Variants in XYLT1 observed in about 807,000 individuals in gnomAD.
XYLT1 encodes the protein xylosyltransferase 1, also known as beta-D-xylosyltransferase 1.
In XYLT1, 36 loss-of-function variants were observed where a neutral mutation model predicts 91.3. That is an observed-to-expected ratio of 0.39 (90% CI 0.30 to 0.52). The LOEUF is 0.52. Among genes scored for constraint, XYLT1 ranks in the 20% least tolerant of loss-of-function variants. The pLI, the probability that XYLT1 is intolerant of heterozygous loss-of-function variation, is 0.68. For synonymous variants in XYLT1, 588 were observed against 532.0 expected, an observed-to-expected ratio of 1.11 and a Z score of -1.45; for missense variants, 1,242 against 1,284.5, an observed-to-expected ratio of 0.97 and a Z score of 0.51.
chr16:17,284,402 G>A (rs886635505), intron 2 of XYLT1, among the ~76,000 whole-genome samples: 2 of 152,204 alleles, frequency 1.3e-5, no homozygotes, highest in African/African-American at 2.4e-5. Flanking sequence ...ACATTCTACA[G>A]GGGGAGAGAT....
At chr16:17,303,415 C>T (rs944508314) in intron 2 of XYLT1, among the ~76,000 whole-genome samples, 3 of 152,232 alleles carry the variant, frequency 2.0e-5, no homozygotes, top group African/African-American at 7.2e-5. Flanking sequence ...ATCTGGTCCT[C>T]TACAGACAGT....
chr16:17,113,749 T>C (rs75875949), intron 11 of XYLT1, among the ~76,000 whole-genome samples: 4,698 of 152,330 alleles, frequency 0.031, 122 homozygotes, highest in Non-Finnish European at 0.046. Flanking sequence ...CCAATCACAT[T>C]TTGACACAGT....
At position 17,253,831 on chromosome 16, in the gene XYLT1, A is replaced by AGT. The variant is rs1478512784; in HGVS notation, c.913+5156_913+5157insAC. 4.4e-5 allele frequency among the ~76,000 whole-genome samples: 6 copies of AGT among 136,578 alleles called. No individual in the cohort carries two copies. The East Asian group carries it at 1.2e-3, about 28-fold the overall frequency. The allele number at this position is 136,578 out of a possible 152,430, so 89.6% of individuals were successfully genotyped here. A position where few individuals can be genotyped will look rare whatever the true frequency, so the allele number is the denominator to read the frequency against. ...TCTTCTCCCTTGCAACTTGAGAGAG[A>AGT]GAGAGAGAGAGAGAGAGAGAGAGAG... On this transcript the variant is annotated intron_variant, in intron 3 of 11. Transcript: ENST00000261381.
chr16:17,263,431 G>A (rs1056747207), intron 2 of XYLT1, among the ~76,000 whole-genome samples: 14 of 152,044 alleles, frequency 9.2e-5, no homozygotes, highest in Admixed American at 7.9e-4. Flanking sequence ...CCACAATGGC[G>A]ATGATTAGCT....
intron 1 of XYLT1, among the ~76,000 whole-genome samples, chr16:17,469,379 C>T (rs952906292): frequency 6.6e-6 from 1 of 152,250 alleles, no homozygotes; most frequent in African/African-American, 2.4e-5. Flanking sequence ...AACACATTGG[C>T]TATGCCCTAA....
chr16:17,153,442 T>G (rs2031329969), intron 6 of XYLT1, among the ~76,000 whole-genome samples: 1 of 152,162 alleles, frequency 6.6e-6, no homozygotes, highest in Admixed American at 6.5e-5. Flanking sequence ...AACTTTATTA[T>G]TTTTAGAGAC....
intron 1 of XYLT1, among the ~76,000 whole-genome samples, chr16:17,455,028 A>C (rs1207816599): frequency 6.6e-6 from 1 of 151,448 alleles, no homozygotes; most frequent in Non-Finnish European, 1.5e-5. Context: ...CCCTGGACAG[A>C]GATAAAACTC....
chr16:17,441,993 T>C (rs992926198), intron 1 of XYLT1, among the ~76,000 whole-genome samples: 5 of 152,148 alleles, frequency 3.3e-5, no homozygotes, highest in Non-Finnish European at 7.4e-5. Flanking sequence ...AGGATATTTC[T>C]GGTTGAGATT....
At chr16:17,360,171 T>A (rs2035362588) in intron 1 of XYLT1, among the ~76,000 whole-genome samples, 1 of 152,088 alleles carries the variant, frequency 6.6e-6, no homozygotes, top group Non-Finnish European at 1.5e-5. Context: ...CAGACTGGGG[T>A]GTTGGGTGCA....
chr16:17,396,436 T>A (rs2141896855), intron 1 of XYLT1, among the ~76,000 whole-genome samples: 1 of 152,284 alleles, frequency 6.6e-6, no homozygotes, highest in South Asian at 2.1e-4. Flanking sequence ...ACAAACTCAC[T>A]GTGAGAAATG....
At chr16:17,338,283 A>T (rs2035015946) in intron 2 of XYLT1, 1 of 456,202 alleles carries the variant, frequency 2.2e-6, no homozygotes, top group Admixed American at 2.4e-5. Context: ...CTCCTCAAAC[A>T]TCTTCAGTGG....
Position 17,107,690 on chromosome 16 carries a change from G to C in XYLT1, c.*1005C>G, listed in dbSNP as rs1213551713. 6.5e-6 allele frequency: 1 copy of C among 152,810 alleles called. No individual in the cohort carries two copies. The highest frequency in any genetic ancestry group is 1.5e-5 in the Non-Finnish European group (1 of 68,186). 9.5% of individuals were successfully genotyped at this position (152,810 alleles called of 1,614,324 possible). ...ACGGAAGGGCTCTGGCAGGGGATGG[G>C]TGCTGCTGTGCTGTCTAGCTCAGGA... On this transcript the variant is annotated 3_prime_UTR_variant, in exon 12 of 12. Transcript: ENST00000261381.
intron 1 of XYLT1, among the ~76,000 whole-genome samples, chr16:17,377,386 C>G (rs898613806): frequency 1.3e-5 from 2 of 152,138 alleles, no homozygotes; most frequent in African/African-American, 4.8e-5. Flanking sequence ...CTAGACATGG[C>G]GATAGAGTTC....
chr16:17,392,091 A>G (rs753999638), intron 1 of XYLT1, among the ~76,000 whole-genome samples: 3 of 152,178 alleles, frequency 2.0e-5, no homozygotes, highest in Non-Finnish European at 4.4e-5. Flanking sequence ...AAGAACATAC[A>G]ACATAGCAAT....
chr16:17,110,337 C>G (rs139355021), intron 11 of XYLT1, among the ~76,000 whole-genome samples: 1 of 152,164 alleles, frequency 6.6e-6, no homozygotes, highest in Non-Finnish European at 1.5e-5. Flanking sequence ...AGAATCCCCA[C>G]GTGTTGTGGG....
chr16:17,404,743 TTGGGCATATATTG>T (rs1281967344), intron 1 of XYLT1, among the ~76,000 whole-genome samples: 1 of 116,690 alleles, frequency 8.6e-6, no homozygotes, highest in African/African-American at 3.8e-5. Flanking sequence ...CAAGACCAGT[TTGGGCATATATTG>T]AGACCCTGTC....
intron 2 of XYLT1, among the ~76,000 whole-genome samples, chr16:17,341,154 G>A (rs895676374): frequency 6.6e-6 from 1 of 151,968 alleles, no homozygotes; most frequent in African/African-American, 2.4e-5. Flanking sequence ...ACCCTACAGA[G>A]GTACATACCC....
chr16:17,332,567 T>TACACACACACACACAC (rs60919228), intron 2 of XYLT1, among the ~76,000 whole-genome samples: 14 of 137,902 alleles, frequency 1.0e-4, no homozygotes, highest in African/African-American at 3.8e-4. Flanking sequence ...ATCACACACA[T>TACACACACACACACAC]ACACACACAC....
rs1474205265 is a variant in XYLT1, at chr16:17,106,986, G to A, written c.*1709C>T. 6.6e-6 allele frequency: 1 copy of A among 152,064 alleles called. No homozygotes were observed. The highest frequency in any genetic ancestry group is 1.5e-5 in the Non-Finnish European group (1 of 68,040). The allele number at this position is 152,064 out of a possible 1,614,324, so 9.4% of individuals were successfully genotyped here. ...ACCGAGAGAGAGAGAGACACCAGGG[G>A]GTGGGAAAAGATGGGAAAAGGGGCC... On this transcript the variant is annotated 3_prime_UTR_variant, in exon 12 of 12. Transcript: ENST00000261381.
Sources: gnomAD v4.1 joint callset for allele counts (sites outside exome capture counted in the v4.1 genomes callset) on GRCh38, gnomAD v4.1.1 for gene constraint, MANE v1.5 for transcripts, NCBI Gene and HGNC (gene_info 2026-07-23, HGNC 2026-07-21) for gene names.